DEPDC7: variants seen among roughly 807,000 people sequenced by gnomAD.
The protein encoded by DEPDC7 is DEP domain containing 7, also known as DEP domain-containing protein 7.
A neutral mutation model predicts 56.6 loss-of-function variants in DEPDC7; 41 were observed. The observed-to-expected ratio is 0.72, with a 90% CI of 0.56 to 0.94. The LOEUF is 0.94. Ranked by LOEUF, DEPDC7 falls within the 40% of genes least tolerant of loss-of-function variation. The pLI is 0.00. For synonymous variants in DEPDC7, 185 were observed against 208.8 expected, an observed-to-expected ratio of 0.89 and a Z score of 0.98; for missense variants, 522 against 596.3, an observed-to-expected ratio of 0.88 and a Z score of 1.30.
At chr11:33,021,103 T>G (rs965087556) in intron 1 of DEPDC7, among the ~76,000 whole-genome samples, 4 of 151,752 alleles carry the variant, frequency 2.6e-5, no homozygotes, top group African/African-American at 9.7e-5. Context: ...AAAAAAAAAT[T>G]AGCTGCACGT....
rs778594278 is a variant in DEPDC7 at position 33,032,919 on chromosome 11, G to A, written c.1294G>A (p.Val432Ile). ...IPGTLHKIVS[V>I]KLMAIQNGRD... ...TGGAACTCTACATAAAATTGTAAGT[G>A]TTAAGCTTATGGCCATACAGAACGG... The change falls in exon 8 of 9, where the codon GTT becomes ATT. Residue 432 changes from valine (V) to isoleucine (I), a missense_variant. Val to Ile is a conservative substitution (Grantham distance 29). Coordinates refer to ENST00000241051, the MANE Select transcript of DEPDC7 (RefSeq NM_001077242.2). The A allele has an allele frequency of 1.2e-6, 2 of 1,606,082 alleles. No individual in the cohort carries two copies. Among genetic ancestry groups the A allele is most frequent in the Non-Finnish European group, 1.7e-6 (2 of 1,176,766 alleles).
In DEPDC7 at chr11:33,027,919, G is replaced by T. The variant is rs138084167; in HGVS notation, c.592+106G>T. The T allele has an allele frequency of 3.6e-3, 4,187 of 1,172,736 alleles. 27 individuals are homozygous for T. The highest frequency in any genetic ancestry group is 0.012 in the Middle Eastern group (49 of 3,952). 72.6% of individuals were successfully genotyped at this position (1,172,736 alleles called of 1,614,324 possible). Reference sequence around the variant, plus strand: ...AGATTTTAAATATTCAAAGTACAGAGAAAGAGTGCACTATGTATTAAAGCT... The same window carrying T: ...AGATTTTAAATATTCAAAGTACAGATAAAGAGTGCACTATGTATTAAAGCT... On this transcript the variant is annotated intron_variant, in intron 3 of 8. Coordinates refer to ENST00000241051, the MANE Select transcript of DEPDC7 (RefSeq NM_001077242.2).
chr11:33,031,181 A>G (rs1190123952), intron 4 of DEPDC7, among the ~76,000 whole-genome samples, 197 bp from the exon 5 acceptor site: 1 of 152,250 alleles, frequency 6.6e-6, no homozygotes, highest in Non-Finnish European at 1.5e-5. Context: ...GGAAAACATT[A>G]AGCTGAATTT....
chr11:33,028,713 C>G lies in DEPDC7; in HGVS notation c.703C>G (p.Gln235Glu), dbSNP rs754692244. ...KQQEAVPKIPQPKRQSTMVNS... is the reference protein window; with the variant it reads ...KQQEAVPKIPEPKRQSTMVNS... Reference sequence around the variant, plus strand: ...GCAAGAGGCTGTACCTAAAATTCCTCAACCTAAGAGGCAGTCCACCATGGT... The same window carrying G: ...GCAAGAGGCTGTACCTAAAATTCCTGAACCTAAGAGGCAGTCCACCATGGT... Residue 235 changes from glutamine (Q) to glutamate (E), a missense_variant, in exon 4 of 9, where the codon CAA (glutamine) becomes GAA (glutamate). By Grantham distance (29) the Gln-to-Glu change is conservative. Transcript: ENST00000241051. 1.9e-6 allele frequency: 3 copies of G among 1,614,012 alleles called. No homozygotes were observed. The highest frequency in any genetic ancestry group is 2.5e-6 in the Non-Finnish European group (3 of 1,179,986).
intron 1 of DEPDC7, among the ~76,000 whole-genome samples, chr11:33,024,444 G>A (rs572013688): frequency 6.6e-6 from 1 of 152,318 alleles, no homozygotes; most frequent in East Asian, 1.9e-4. Flanking sequence ...ATGTGTGTGT[G>A]TGTGTATACA....
chr11:33,017,769 A>G (rs916979674), intron 1 of DEPDC7, among the ~76,000 whole-genome samples: 8 of 152,152 alleles, frequency 5.3e-5, no homozygotes, highest in African/African-American at 1.9e-4. Context: ...ACTCTCACTT[A>G]CCTTAAAGGG....
intron 3 of DEPDC7, 32 bp downstream of exon 3, chr11:33,027,845 G>A: frequency 6.7e-7 from 1 of 1,491,222 alleles, no homozygotes; most frequent in Non-Finnish European, 8.9e-7. Context: ...GTAAGAAGTA[G>A]AAGACAAACT....
rs373000064 is a variant in DEPDC7 at position 33,028,761 on chromosome 11, C to G, written c.751C>G (p.Arg251Gly). 24 of 1,611,656 alleles carry G rather than the reference C, an allele frequency of 1.5e-5. 2 individuals are homozygous for G. In the South Asian group the frequency reaches 2.4e-4, roughly 16 times the overall value. Reference protein sequence around the residue: ...TMVNSSNYLDRGILKAYSDSQ... With the variant: ...TMVNSSNYLDGGILKAYSDSQ... Reference sequence around the variant, plus strand: ...GGTCAACAGCAGTAACTATCTGGATCGAGGGATTCTCAAGGCTTATAGTGA... The same window carrying G: ...GGTCAACAGCAGTAACTATCTGGATGGAGGGATTCTCAAGGCTTATAGTGA... The change falls in exon 4 of 9, where the codon CGA becomes GGA. Residue 251 changes from arginine to glycine, a missense_variant. Coordinates refer to ENST00000241051, the MANE Select transcript of DEPDC7 (RefSeq NM_001077242.2).
At position 33,028,557 on chromosome 11, in the gene DEPDC7, G is replaced by T. The variant is rs186686348; in HGVS notation, c.593-46G>T. 6 of 1,461,944 alleles carry T rather than the reference G, an allele frequency of 4.1e-6. No individual in the cohort carries two copies. The Admixed American group carries it at 6.7e-5, about 16-fold the overall frequency. The allele number at this position is 1,461,944 out of a possible 1,614,324, so 90.6% of individuals were successfully genotyped here. On this transcript the variant is annotated intron_variant, in intron 3 of 8. Coordinates refer to ENST00000241051, the MANE Select transcript of DEPDC7 (RefSeq NM_001077242.2). The stretch of plus-strand genomic sequence containing the variant: ...AGAAAAATATTATGGTGAGCATATA[G>T]TAACTATTAATTGTTACTTTTCACC...
rs34098874 is a variant in DEPDC7, at chr11:33,017,995, G to A, written c.73+1967G>A. ...ACTTCCCATATGCTGTCTCATTAAT[G>A]TATGTGAATTAAAGCAGAGACCAAT... is the stretch of plus-strand genomic sequence containing the variant. On this transcript the variant is annotated intron_variant, in intron 1 of 8. Transcript: ENST00000241051. Among the ~76,000 whole-genome samples, 1,115 of 152,294 alleles carry A rather than the reference G, an allele frequency of 7.3e-3. 6 individuals carry two copies. Among genetic ancestry groups the A allele is most frequent in the Non-Finnish European group, 0.012 (784 of 68,026 alleles).
At chr11:33,031,352 A>T in intron 4 of DEPDC7, 26 bp from the exon 5 acceptor site, 1 of 1,565,120 alleles carries the variant, frequency 6.4e-7, no homozygotes, top group Non-Finnish European at 8.8e-7. Flanking sequence ...CTTGCCTTTT[A>T]AATAATCTTC....
chr11:33,032,314 A>C lies in DEPDC7; in HGVS notation c.995-22A>C, dbSNP rs1041273935. ...TAGTCATATTTGGTCAATTAAAAGC[A>C]GTTTTTTTCTTTTGGCTAAAGTGAA... On this transcript the variant is annotated intron_variant, in intron 5 of 8. Coordinates refer to ENST00000241051, the MANE Select transcript of DEPDC7 (RefSeq NM_001077242.2). 3.2e-6 allele frequency: 5 copies of C among 1,550,738 alleles called. No homozygotes were observed. The African/African-American group carries it at 7.1e-5, about 22-fold the overall frequency.
chr11:33,019,372 A>AT (rs869042410), intron 1 of DEPDC7, among the ~76,000 whole-genome samples: 2 of 151,992 alleles, frequency 1.3e-5, no homozygotes, highest in Admixed American at 6.6e-5. Flanking sequence ...TCCTTTAAAA[A>AT]TTTTTTTTAT....
At chr11:33,016,337 C>T in intron 1 of DEPDC7, 2 of 1,401,760 alleles carry the variant, frequency 1.4e-6, no homozygotes. Flanking sequence ...AGGCACGCGC[C>T]GGGGAGCTCC....
In DEPDC7 at chr11:33,015,893, G is replaced by A; in HGVS notation, c.-63G>A. 6.7e-7 allele frequency: 1 copy of A among 1,491,396 alleles called. No homozygotes were observed. The highest frequency in any genetic ancestry group is 9.1e-7 in the Non-Finnish European group (1 of 1,104,594). 92.4% of individuals were successfully genotyped at this position (1,491,396 alleles called of 1,614,324 possible). On this transcript the variant is annotated 5_prime_UTR_variant, in exon 1 of 9. Transcript: ENST00000241051. ...CACGCCCCGCACAGTTAACAGACGG[G>A]CGCTCAGGGAGCTAGGGAGCTGTGA...
In DEPDC7 at chr11:33,031,529, A is replaced by T; in HGVS notation, c.934A>T (p.Ser312Cys). 1 of 1,614,186 alleles carries T rather than the reference A, an allele frequency of 6.2e-7. No homozygotes were observed. The highest frequency in any genetic ancestry group is 1.1e-5 in the South Asian group (1 of 91,086). Residue 312 changes from serine to cysteine, a missense_variant, in exon 5 of 9, where the codon AGT (serine) becomes TGT (cysteine). Transcript: ENST00000241051. ...TGATGCCATTGGCAGATATTACAGT[A>T]GTAGGGAACCTCTGTTAAATCACTT... ...LFDAIGRYYS[S>C]REPLLNHLSD...
intron 5 of DEPDC7, among the ~76,000 whole-genome samples, chr11:33,031,811 C>T (rs530226055): frequency 6.6e-6 from 1 of 152,318 alleles, no homozygotes; most frequent in South Asian, 2.1e-4. Flanking sequence ...GAGTATAATG[C>T]TGCTCTCATT....
Position 33,031,599 on chromosome 11 carries a change from A to G in DEPDC7, c.994+10A>G. ...ATTGCAGAACTCTTAGGTAAGTAAG[A>G]TCTAACTGGATACTAGCATTTATCT... On this transcript the variant is annotated intron_variant, in intron 5 of 8. Coordinates refer to ENST00000241051, the MANE Select transcript of DEPDC7 (RefSeq NM_001077242.2). 1.3e-6 allele frequency: 2 copies of G among 1,592,698 alleles called. No individual in the cohort carries two copies. Among genetic ancestry groups the G allele is most frequent in the Non-Finnish European group, 1.7e-6 (2 of 1,160,670 alleles).
chr11:33,021,512 C>T (rs539319825), intron 1 of DEPDC7, among the ~76,000 whole-genome samples: 7 of 152,216 alleles, frequency 4.6e-5, no homozygotes, highest in African/African-American at 7.2e-5. Flanking sequence ...TTTTAAATGA[C>T]GATAAATAAG....
Sources: gnomAD v4.1 joint callset for allele counts (sites outside exome capture counted in the v4.1 genomes callset) on GRCh38, gnomAD v4.1.1 for gene constraint, MANE v1.5 for transcripts, NCBI Gene and HGNC (gene_info 2026-07-23, HGNC 2026-07-21) for gene names.